CAMTA1: variants seen among roughly 807,000 people sequenced by gnomAD.
CAMTA1 encodes the protein calmodulin binding transcription activator 1, also known as calmodulin-binding transcription activator 1.
In CAMTA1, 27 loss-of-function variants were observed where a neutral mutation model predicts 170.9. That is an observed-to-expected ratio of 0.16 (90% CI 0.12 to 0.22). The LOEUF (loss-of-function observed/expected upper bound fraction) is 0.22, where lower values mean the gene tolerates loss of function less well. Ranked by LOEUF, CAMTA1 falls within the 10% of genes least tolerant of loss-of-function variation. The probability of loss-of-function intolerance (pLI) is 1.00; values close to 1 mark genes in which losing one functional copy is unlikely to be tolerated. For missense variants in CAMTA1, 1,619 were observed against 2,217.2 expected (o/e 0.73, Z 5.42); for synonymous variants, 833 against 891.5 (o/e 0.93, Z 1.17).
At chr1:6,905,036 CTG>C (rs1323883987) in intron 3 of CAMTA1, among the ~76,000 whole-genome samples, 4 of 152,072 alleles carry the variant, frequency 2.6e-5, no homozygotes, top group Non-Finnish European at 5.9e-5. Flanking sequence ...GGGGTCCGCT[CTG>C]TTGCTGTGTG....
chr1:7,498,097 A>G (rs2093861085), intron 6 of CAMTA1, among the ~76,000 whole-genome samples: 1 of 151,928 alleles, frequency 6.6e-6, no homozygotes, highest in Non-Finnish European at 1.5e-5. Context: ...CATCCTGAGG[A>G]GAGGGGGAGG....
intron 6 of CAMTA1, among the ~76,000 whole-genome samples, chr1:7,576,000 A>AGTTTT (rs772547161): frequency 1.2e-4 from 18 of 152,112 alleles, no homozygotes; most frequent in East Asian, 5.8e-4. Context: ...ACTGGGGCTC[A>AGTTTT]GTTTTGTTTT....
intron 3 of CAMTA1, among the ~76,000 whole-genome samples, chr1:7,068,810 C>A (rs12093520): frequency 0.036 from 5,470 of 152,112 alleles, 188 homozygotes; most frequent in African/African-American, 0.089. Flanking sequence ...GCATGCTGGG[C>A]GTGAAAATCT....
At chr1:7,448,978 C>G (rs1281165654) in intron 5 of CAMTA1, among the ~76,000 whole-genome samples, 1 of 152,196 alleles carries the variant, frequency 6.6e-6, no homozygotes, top group Non-Finnish European at 1.5e-5. Flanking sequence ...GGTACAGAAG[C>G]AAAATGTTTC....
intron 4 of CAMTA1, among the ~76,000 whole-genome samples, chr1:7,151,757 C>G (rs1646594052): frequency 6.6e-6 from 1 of 152,180 alleles, no homozygotes. Context: ...CATTGGGAGG[C>G]CCTGGAGGGA....
chr1:6,947,409 C>G (rs747349670), intron 3 of CAMTA1, among the ~76,000 whole-genome samples: 23 of 151,156 alleles, frequency 1.5e-4, no homozygotes, highest in Non-Finnish European at 2.9e-4. Context: ...CAGTCTCACT[C>G]TGTTTGCCCA....
At chr1:7,543,313 T>C (rs75124103) in intron 6 of CAMTA1, among the ~76,000 whole-genome samples, 1 of 152,346 alleles carries the variant, frequency 6.6e-6, no homozygotes, top group East Asian at 1.9e-4. Flanking sequence ...AAATTTTTCA[T>C]CTCATCCCTG....
chr1:6,948,012 T>C (rs904052518), intron 3 of CAMTA1, among the ~76,000 whole-genome samples: 5 of 152,214 alleles, frequency 3.3e-5, no homozygotes, highest in African/African-American at 7.2e-5. Flanking sequence ...ATACCTTTTG[T>C]TTCTTTTTCT....
rs138790333 is a variant in CAMTA1, at chr1:7,223,052, G to A, written c.303-26439G>A. 7.7e-3 allele frequency among the ~76,000 whole-genome samples: 1,176 copies of A among 152,266 alleles called. 17 individuals carry two copies. The highest frequency in any genetic ancestry group is 0.027 in the African/African-American group (1,110 of 41,556). On this transcript the variant is annotated intron_variant, in intron 4 of 22. Coordinates refer to ENST00000303635, the MANE Select transcript of CAMTA1 (RefSeq NM_015215.4). The stretch of plus-strand genomic sequence containing the variant: ...TGATCTTCTTCCCTTGATGACCAAC[G>A]CTCTTGTTCCTCTCGCCCTTGCGGG...
intron 3 of CAMTA1, among the ~76,000 whole-genome samples, chr1:6,948,470 G>A (rs374862308): frequency 4.6e-5 from 7 of 152,246 alleles, no homozygotes; most frequent in African/African-American, 1.4e-4. Flanking sequence ...TCAGTGTCTC[G>A]TTTCATCCTC....
chr1:7,728,623 A>G (rs906399196), intron 11 of CAMTA1, among the ~76,000 whole-genome samples: 1 of 152,220 alleles, frequency 6.6e-6, no homozygotes, highest in Non-Finnish European at 1.5e-5. Context: ...ACGATCTCCA[A>G]GTAGGTTCCG....
intron 4 of CAMTA1, among the ~76,000 whole-genome samples, chr1:7,112,239 A>G (rs958806588): frequency 1.3e-5 from 2 of 152,146 alleles, no homozygotes; most frequent in African/African-American, 4.8e-5. Context: ...CTTCAAACCC[A>G]TTCTCTTACT....
intron 6 of CAMTA1, among the ~76,000 whole-genome samples, chr1:7,638,497 C>A (rs549135837): frequency 2.1e-4 from 32 of 151,984 alleles, no homozygotes; most frequent in Admixed American, 1.9e-3. Context: ...AAAAATTAGC[C>A]GGGCTGTGGT....
At chr1:6,851,069 C>G (rs549765718) in intron 3 of CAMTA1, among the ~76,000 whole-genome samples, 3 of 152,240 alleles carry the variant, frequency 2.0e-5, no homozygotes, top group African/African-American at 7.2e-5. Context: ...AATCACCAGG[C>G]AGATGAGGAT....
At chr1:7,337,544 T>C (rs9730315) in intron 5 of CAMTA1, among the ~76,000 whole-genome samples, 133,325 of 141,298 alleles carry the variant, frequency 0.94, 63,426 homozygotes, top group East Asian at 0.99. Context: ...GGCCGTGGGC[T>C]GCATCCAATC....
At chr1:7,606,278 G>A (rs1018351971) in intron 6 of CAMTA1, among the ~76,000 whole-genome samples, 5 of 152,206 alleles carry the variant, frequency 3.3e-5, no homozygotes, top group Non-Finnish European at 5.9e-5. Flanking sequence ...GGTCCAAGGA[G>A]TGGCTGGGGC....
intron 5 of CAMTA1, among the ~76,000 whole-genome samples, chr1:7,406,801 C>T (rs538394457): frequency 1.3e-5 from 2 of 152,278 alleles, no homozygotes; most frequent in East Asian, 1.9e-4. Context: ...CACTGCTGCC[C>T]CCACAGCCCC....
chr1:7,511,335 G>T lies in CAMTA1; in HGVS notation c.510+43434G>T, dbSNP rs1334420285. Among the ~76,000 whole-genome samples, 2 of 145,178 alleles carry T rather than the reference G, an allele frequency of 1.4e-5. 1 individual carries two copies. ...TGTCCACTTTCTTTCCTGTAATGTG[G>T]GGATCATCACCCATATATTAAGTGT... On this transcript the variant is annotated intron_variant, in intron 6 of 22. Coordinates refer to ENST00000303635, the MANE Select transcript of CAMTA1 (RefSeq NM_015215.4).
intron 3 of CAMTA1, among the ~76,000 whole-genome samples, chr1:6,907,879 C>T (rs763944882): frequency 1.8e-4 from 28 of 152,182 alleles, no homozygotes; most frequent in Non-Finnish European, 3.4e-4. Context: ...CCTCTCCCGC[C>T]CCACTGTCAT....
Sources: allele counts gnomAD v4.1 joint callset (sites outside exome capture counted in the v4.1 genomes callset), GRCh38; gene constraint gnomAD v4.1.1; transcripts MANE v1.5; gene names NCBI Gene and HGNC (gene_info 2026-07-23, HGNC 2026-07-21).